ADAMTS17: variants seen among roughly 807,000 people sequenced by gnomAD.
ADAMTS17 encodes A disintegrin and metalloproteinase with thrombospondin motifs 17.
Under a neutral mutation model 141.5 loss-of-function variants are expected in ADAMTS17, and 113 were observed. That is an observed-to-expected ratio of 0.80 (90% CI 0.69 to 0.93). The LOEUF (loss-of-function observed/expected upper bound fraction) is 0.93, where lower values mean the gene tolerates loss of function less well. ADAMTS17 is among the 40% of genes least tolerant of loss of function. The probability of loss-of-function intolerance (pLI) is 0.00; values close to 1 mark genes in which losing one functional copy is unlikely to be tolerated. For synonymous variants in ADAMTS17, 768 were observed against 630.6 expected (o/e 1.22, Z -3.27); for missense variants, 1,659 against 1,517.9 (o/e 1.09, Z -1.54).
At chr15:100,012,830 T>C (rs1339610951) in intron 18 of ADAMTS17, among the ~76,000 whole-genome samples, 2 of 152,194 alleles carry the variant, frequency 1.3e-5, no homozygotes, top group African/African-American at 4.8e-5. Context: ...TGCCTCCAGA[T>C]TTGTTCTTTT....
At chr15:100,156,615 C>G (rs965143210) in intron 8 of ADAMTS17, among the ~76,000 whole-genome samples, 2 of 152,164 alleles carry the variant, frequency 1.3e-5, no homozygotes, top group Non-Finnish European at 2.9e-5. Context: ...TCAATTCATA[C>G]ATGTGGCTAC....
rs1425861656 is a variant in ADAMTS17 at position 99,993,768 on chromosome 15, G to A, written c.2797-568C>T. Among the ~76,000 whole-genome samples the A allele has an allele frequency of 6.6e-6, 1 of 152,220 alleles. No individual in the cohort carries two copies. Among genetic ancestry groups the A allele is most frequent in the East Asian group, 1.9e-4 (1 of 5,202 alleles). On this transcript the variant is annotated intron_variant, in intron 19 of 21. Coordinates refer to ENST00000268070, the MANE Select transcript of ADAMTS17 (RefSeq NM_139057.4). This position sits in a 1 kb window ranked among gnomAD's most constrained non-coding sequence, Gnocchi z 4.3. The stretch of plus-strand genomic sequence containing the variant: ...GAGGCAGGTGGAAAGCCTTTGCAGA[G>A]AGCTCCAGTGAATGTCTGAATGCAG...
At chr15:100,277,044 C>T (rs1048678778) in intron 4 of ADAMTS17, among the ~76,000 whole-genome samples, 7 of 152,098 alleles carry the variant, frequency 4.6e-5, no homozygotes, top group East Asian at 1.9e-4. Flanking sequence ...AGGGGGCTGA[C>T]GACTCTGCTT....
intron 3 of ADAMTS17, among the ~76,000 whole-genome samples, chr15:100,327,105 G>A (rs1438702068): frequency 1.3e-5 from 2 of 152,010 alleles, no homozygotes; most frequent in African/African-American, 4.8e-5. Flanking sequence ...TGAGCAGTAG[G>A]GTATAAATAA....
chr15:99,998,154 G>A (rs2060843320), intron 18 of ADAMTS17, among the ~76,000 whole-genome samples: 1 of 152,144 alleles, frequency 6.6e-6, no homozygotes, highest in African/African-American at 2.4e-5. Flanking sequence ...GAACCCCCCA[G>A]CCCACACCGG....
chr15:100,079,656 T>G (rs940311472), intron 15 of ADAMTS17, among the ~76,000 whole-genome samples: 1 of 152,194 alleles, frequency 6.6e-6, no homozygotes, highest in African/African-American at 2.4e-5. Context: ...TTGATTATAT[T>G]GTACCTTTTC....
chr15:100,161,867 A>AAAGCCTCT (rs528570799), intron 8 of ADAMTS17, among the ~76,000 whole-genome samples: 31 of 152,362 alleles, frequency 2.0e-4, no homozygotes, highest in Admixed American at 4.6e-4. Context: ...AATAGCATCA[A>AAAGCCTCT]AAGCCTCTCA....
intron 18 of ADAMTS17, among the ~76,000 whole-genome samples, chr15:100,035,955 C>T (rs951495277): frequency 1.3e-5 from 2 of 152,144 alleles, no homozygotes; most frequent in South Asian, 2.1e-4. Flanking sequence ...TAGGGGGTCC[C>T]GTCCAGGCTC....
chr15:100,066,576 G>C (rs1276233814), intron 15 of ADAMTS17, among the ~76,000 whole-genome samples: 2 of 152,050 alleles, frequency 1.3e-5, no homozygotes, highest in Non-Finnish European at 2.9e-5. Flanking sequence ...ATCTATAAAT[G>C]TCTTCATTGA....
At chr15:100,270,186 C>T (rs532027746) in intron 4 of ADAMTS17, among the ~76,000 whole-genome samples, 2 of 133,620 alleles carry the variant, frequency 1.5e-5, no homozygotes, top group Non-Finnish European at 3.5e-5. Flanking sequence ...GGAGCCATTT[C>T]TTCTGTGACT....
At chr15:99,987,791 A>G (rs181354215) in intron 20 of ADAMTS17, among the ~76,000 whole-genome samples, 41 of 152,212 alleles carry the variant, frequency 2.7e-4, no homozygotes, top group Non-Finnish European at 4.3e-4. Context: ...AAGTTTCTCT[A>G]TCTGGGGAGA....
chr15:100,215,485 G>A (rs997626604), intron 7 of ADAMTS17, among the ~76,000 whole-genome samples: 1 of 152,158 alleles, frequency 6.6e-6, no homozygotes, highest in African/African-American at 2.4e-5. Flanking sequence ...CTGAGCTTGT[G>A]CACTATAGAC....
intron 18 of ADAMTS17, among the ~76,000 whole-genome samples, chr15:100,037,971 T>G (rs1410798034): frequency 3.9e-5 from 6 of 152,036 alleles, no homozygotes; most frequent in Non-Finnish European, 8.8e-5. Flanking sequence ...AGAAAGGGTT[T>G]CACCATGTTG....
chr15:100,185,529 G>A (rs1052706910), intron 8 of ADAMTS17, among the ~76,000 whole-genome samples: 4 of 152,166 alleles, frequency 2.6e-5, no homozygotes, highest in African/African-American at 7.2e-5. Context: ...CAACCCCTAA[G>A]CCAGAAGGCA....
intron 8 of ADAMTS17, among the ~76,000 whole-genome samples, chr15:100,172,162 A>G (rs1199414973): frequency 6.6e-6 from 1 of 152,208 alleles, no homozygotes; most frequent in Non-Finnish European, 1.5e-5. Context: ...TCCGCAAAGC[A>G]TTGGTTCCCA....
chr15:100,326,984 T>C (rs1336062625), intron 3 of ADAMTS17, among the ~76,000 whole-genome samples: 6 of 152,216 alleles, frequency 3.9e-5, no homozygotes, highest in Non-Finnish European at 7.3e-5. Flanking sequence ...ATGATGTCTT[T>C]AGTGTTTAAG....
chr15:100,293,395 T>G (rs1464588634), intron 3 of ADAMTS17, among the ~76,000 whole-genome samples: 1 of 152,234 alleles, frequency 6.6e-6, no homozygotes, highest in Non-Finnish European at 1.5e-5. Context: ...ACAAAGAGTC[T>G]GTGGTCCCCA....
Position 100,341,102 on chromosome 15 carries a change from G to T in ADAMTS17, c.387C>A (p.Gly129=). ...GGGAGCCGGGGTGGCCGAGCACACG[G>T]CCCGAGTAGAAGCACAGCTCGGCGG... ...GRPAELCFYS[G]RVLGHPGSLV... Residue 129 remains glycine (G), a synonymous_variant, in exon 2 of 22, where the codon GGC becomes GGA. Coordinates refer to ENST00000268070, the MANE Select transcript of ADAMTS17 (RefSeq NM_139057.4). 2.6e-6 allele frequency: 4 copies of T among 1,513,082 alleles called. No individual in the cohort carries two copies. The highest frequency in any genetic ancestry group is 3.5e-6 in the Non-Finnish European group (4 of 1,136,760). 93.7% of individuals were successfully genotyped at this position (1,513,082 alleles called of 1,614,324 possible). A position where few individuals can be genotyped will look rare whatever the true frequency, so the allele number is the denominator to read the frequency against.
intron 7 of ADAMTS17, among the ~76,000 whole-genome samples, chr15:100,253,733 A>G (rs2043235692): frequency 6.6e-6 from 1 of 152,158 alleles, no homozygotes; most frequent in African/African-American, 2.4e-5. Context: ...GTAAAGCTCA[A>G]TAAAGGTCAT....
Sources: allele counts gnomAD v4.1 joint callset (sites outside exome capture counted in the v4.1 genomes callset), GRCh38; gene constraint gnomAD v4.1.1; non-coding constraint Gnocchi (gnomAD v3.1); transcripts MANE v1.5; gene names NCBI Gene and HGNC (gene_info 2026-07-23, HGNC 2026-07-21).